LARGE1: variants seen among roughly 807,000 people sequenced by gnomAD.
The protein encoded by LARGE1 is xylosyl- and glucuronyltransferase LARGE1.
Under a neutral mutation model 87.6 loss-of-function variants are expected in LARGE1, and 43 were observed. That is an observed-to-expected ratio of 0.49 (90% CI 0.38 to 0.63). The LOEUF (loss-of-function observed/expected upper bound fraction) is 0.63, where lower values mean the gene tolerates loss of function less well. Among genes scored for constraint, LARGE1 ranks in the 30% least tolerant of loss-of-function variants. The pLI, the probability that LARGE1 is intolerant of heterozygous loss-of-function variation, is 0.00. For synonymous variants in LARGE1, 434 were observed against 394.6 expected, an observed-to-expected ratio of 1.10 and a Z score of -1.18; for missense variants, 802 against 1,000.2, an observed-to-expected ratio of 0.80 and a Z score of 2.67.
chr22:33,533,943 A>G (rs1372527892), intron 6 of LARGE1, among the ~76,000 whole-genome samples: 1 of 139,886 alleles, frequency 7.1e-6, no homozygotes, highest in African/African-American at 2.7e-5. Flanking sequence ...TTTCCTATCC[A>G]TTTCTTTATT....
intron 6 of LARGE1, among the ~76,000 whole-genome samples, chr22:33,435,305 A>T (rs905183590): frequency 5.9e-5 from 9 of 152,128 alleles, no homozygotes; most frequent in African/African-American, 2.2e-4. Flanking sequence ...CCTGGCTCCT[A>T]CGGGTATTTT....
At chr22:33,351,214 G>A (rs116085969) in intron 9 of LARGE1, among the ~76,000 whole-genome samples, 1,523 of 152,300 alleles carry the variant, frequency 0.01, 25 homozygotes, top group African/African-American at 0.034. Flanking sequence ...CTACCTACTG[G>A]CTGGAGGCCT....
At chr22:33,874,945 G>A (rs540327154) in intron 1 of LARGE1, among the ~76,000 whole-genome samples, 1 of 152,312 alleles carries the variant, frequency 6.6e-6, no homozygotes, top group South Asian at 2.1e-4. Context: ...TTTTACAGAA[G>A]GTCAGCGAAG....
the LARGE1 span, among the ~76,000 whole-genome samples, chr22:33,076,398 C>A: frequency 6.6e-6 from 1 of 152,028 alleles, no homozygotes; most frequent in African/African-American, 2.4e-5. Flanking sequence ...GGCTATGTGG[C>A]CTTGTGGATG....
intron 6 of LARGE1, among the ~76,000 whole-genome samples, chr22:33,445,027 G>A (rs1341245578): frequency 2.6e-5 from 4 of 152,044 alleles, no homozygotes; most frequent in Admixed American, 1.3e-4. Context: ...ACGCGGTTTC[G>A]CCATGTCAGT....
At chr22:33,748,428 C>T (rs2084183695) in intron 2 of LARGE1, among the ~76,000 whole-genome samples, 1 of 152,166 alleles carries the variant, frequency 6.6e-6, no homozygotes, top group Non-Finnish European at 1.5e-5. Context: ...ACTCTGTTGA[C>T]TCCTTGAGCG....
At chr22:33,522,873 T>G (rs145085042) in intron 6 of LARGE1, among the ~76,000 whole-genome samples, 602 of 149,896 alleles carry the variant, frequency 4.0e-3, no homozygotes, top group African/African-American at 0.013. Context: ...CCAGGCATGG[T>G]GACACACACC....
intron 11 of LARGE1, among the ~76,000 whole-genome samples, chr22:33,231,062 A>T (rs1044542283): frequency 6.6e-6 from 1 of 152,348 alleles, no homozygotes. Context: ...TTAAATAAAT[A>T]TTGGTAAATA....
chr22:33,901,213 G>A (rs1030338219), intron 1 of LARGE1, among the ~76,000 whole-genome samples: 3 of 152,212 alleles, frequency 2.0e-5, no homozygotes, highest in African/African-American at 7.2e-5. Flanking sequence ...AGAACCAGAA[G>A]GGTTCTCACC....
chr22:33,850,458 C>A (rs1355041770), intron 1 of LARGE1, among the ~76,000 whole-genome samples: 1 of 152,162 alleles, frequency 6.6e-6, no homozygotes, highest in East Asian at 1.9e-4. Context: ...GTTTCCGCCT[C>A]CTCATTTGCA....
At chr22:33,805,837 G>GT (rs2086292472) in intron 1 of LARGE1, among the ~76,000 whole-genome samples, 1 of 152,036 alleles carries the variant, frequency 6.6e-6, no homozygotes, top group South Asian at 2.1e-4. Context: ...TCTTCCAATT[G>GT]TTTTCTTCCA....
At chr22:33,376,266 C>T (rs929067299) in intron 9 of LARGE1, among the ~76,000 whole-genome samples, 6 of 152,200 alleles carry the variant, frequency 3.9e-5, no homozygotes, top group African/African-American at 1.2e-4. Flanking sequence ...TAGCTGTGTG[C>T]ACTGTTTTCA....
chr22:33,146,908 CTG>C, the LARGE1 span, among the ~76,000 whole-genome samples: 1 of 152,174 alleles, frequency 6.6e-6, no homozygotes, highest in Non-Finnish European at 1.5e-5. Flanking sequence ...ACAGCCGTGT[CTG>C]TAATGTTCAA....
intron 1 of LARGE1, among the ~76,000 whole-genome samples, chr22:33,824,729 C>T (rs1367556663): frequency 2.0e-5 from 3 of 152,166 alleles, no homozygotes; most frequent in Non-Finnish European, 4.4e-5. Flanking sequence ...AAAGTCCAAA[C>T]ATTTTCTAAT....
chr22:33,329,041 G>C (rs1282032632), intron 10 of LARGE1, among the ~76,000 whole-genome samples: 2 of 152,132 alleles, frequency 1.3e-5, no homozygotes, highest in African/African-American at 4.8e-5. Flanking sequence ...AAAGGTCTTA[G>C]AACAGCACAA....
chr22:33,372,804 A>G lies in LARGE1; in HGVS notation c.1131+9115T>C, dbSNP rs374444672. ...ATATGTTTCTTACTGAGAAAATAGAATAATTTTGTCCAGTTCAGAGGTTAC... is the reference window on the plus strand; with the variant it reads ...ATATGTTTCTTACTGAGAAAATAGAGTAATTTTGTCCAGTTCAGAGGTTAC... On this transcript the variant is annotated intron_variant, in intron 9 of 14. Transcript: ENST00000397394. 1.3e-4 allele frequency among the ~76,000 whole-genome samples: 20 copies of G among 152,228 alleles called. No individual in the cohort carries two copies. The East Asian group carries it at 1.3e-3, about 10-fold the overall frequency.
intron 2 of LARGE1, among the ~76,000 whole-genome samples, chr22:33,689,871 G>A (rs896639474): frequency 3.3e-5 from 5 of 151,966 alleles, no homozygotes; most frequent in Non-Finnish European, 7.4e-5. Context: ...AGGTTGCAGT[G>A]AGCTGAGATG....
chr22:33,662,455 C>T (rs535643521), intron 2 of LARGE1, among the ~76,000 whole-genome samples: 11 of 152,220 alleles, frequency 7.2e-5, no homozygotes, highest in East Asian at 3.9e-4. Context: ...GACAAATCAC[C>T]GCCCTTCATC....
intron 6 of LARGE1, among the ~76,000 whole-genome samples, chr22:33,521,061 T>C (rs1481939888): frequency 6.6e-6 from 1 of 152,252 alleles, no homozygotes; most frequent in Non-Finnish European, 1.5e-5. Flanking sequence ...ATTTTGGCAC[T>C]GTTGCCTGGT....
Sources: gnomAD v4.1 joint callset for allele counts (sites outside exome capture counted in the v4.1 genomes callset) on GRCh38, gnomAD v4.1.1 for gene constraint, MANE v1.5 for transcripts, NCBI Gene and HGNC (gene_info 2026-07-23, HGNC 2026-07-21) for gene names.